Variants in OR1J2 observed in about 807,000 individuals in gnomAD.
OR1J2 encodes the protein olfactory receptor family 1 subfamily J member 2, also known as olfactory receptor 1J2.
For missense variants in OR1J2, 304 were observed against 246.1 expected, an observed-to-expected ratio of 1.24 and a Z score of -1.57; for synonymous variants, 142 against 99.7, an observed-to-expected ratio of 1.42 and a Z score of -2.52.
chr9:122,496,992 C>T, the OR1J2 span, among the ~76,000 whole-genome samples: 2 of 152,078 alleles, frequency 1.3e-5, no homozygotes, highest in African/African-American at 2.4e-5. Flanking sequence ...TCACCCTGCT[C>T]CCACGCAGCA....
the OR1J2 span, among the ~76,000 whole-genome samples, chr9:122,471,198 C>T: frequency 6.6e-6 from 1 of 152,170 alleles, no homozygotes; most frequent in African/African-American, 2.4e-5. Context: ...CAATAATTCC[C>T]ATGTGTTGTG....
chr9:122,456,374 A>C, the OR1J2 span, among the ~76,000 whole-genome samples: 6 of 152,220 alleles, frequency 3.9e-5, no homozygotes, highest in Non-Finnish European at 5.9e-5. Context: ...CAGAGCTGTA[A>C]ATTACCTAGC....
At chr9:122,518,488 T>C in the OR1J2 span, among the ~76,000 whole-genome samples, 1 of 152,242 alleles carries the variant, frequency 6.6e-6, no homozygotes, top group African/African-American at 2.4e-5. Flanking sequence ...GACACTCTTG[T>C]GTTTCTTCTT....
chr9:122,565,255 A>G, the OR1J2 span, among the ~76,000 whole-genome samples: 8 of 152,208 alleles, frequency 5.3e-5, no homozygotes, highest in African/African-American at 1.9e-4. Context: ...GGGAAGAGCA[A>G]TGTGAATAGA....
chr9:122,551,362 TG>T, the OR1J2 span, among the ~76,000 whole-genome samples: 1 of 152,224 alleles, frequency 6.6e-6, no homozygotes, highest in Non-Finnish European at 1.5e-5. Flanking sequence ...CTGCTTTGTA[TG>T]AGGCACTATG....
chr9:122,470,297 C>T, the OR1J2 span, among the ~76,000 whole-genome samples: 1 of 152,170 alleles, frequency 6.6e-6, no homozygotes, highest in African/African-American at 2.4e-5. Context: ...CTGAAAGGGG[C>T]CAACATAGAG....
At chr9:122,560,020 G>C in the OR1J2 span, among the ~76,000 whole-genome samples, 1 of 152,058 alleles carries the variant, frequency 6.6e-6, no homozygotes, top group Non-Finnish European at 1.5e-5. Flanking sequence ...TCCTGTATTG[G>C]GTGCAAATAT....
rs755875772 is a variant in OR1J2, at chr9:122,511,587, G to T, written c.786G>T (p.Pro262=). The change falls in exon 1 of 1, where the codon CCG becomes CCT. Residue 262 remains proline (P), a synonymous_variant. Coordinates refer to ENST00000335302, the MANE Select transcript of OR1J2 (RefSeq NM_054107.1). ...YGSIFGQYLF[P]TVSSSIDKDV... ...CAATATTTGGCCAGTACCTTTTCCCGACTGTAAGCAGTTCTATTGACAAGG... is the reference window on the plus strand; with the variant it reads ...CAATATTTGGCCAGTACCTTTTCCCTACTGTAAGCAGTTCTATTGACAAGG... 2 of 780,854 alleles carry T rather than the reference G, an allele frequency of 2.6e-6. No homozygotes were observed. Among genetic ancestry groups the T allele is most frequent in the Non-Finnish European group, 4.8e-6 (2 of 418,124 alleles). 48.4% of individuals were successfully genotyped at this position (780,854 alleles called of 1,614,324 possible).
At chr9:122,472,129 G>A in the OR1J2 span, among the ~76,000 whole-genome samples, 429 of 152,212 alleles carry the variant, frequency 2.8e-3, no homozygotes, top group African/African-American at 9.9e-3. Context: ...TTTCAAAGTT[G>A]GATTTTATCG....
At chr9:122,540,509 G>C in the OR1J2 span, among the ~76,000 whole-genome samples, 3 of 151,980 alleles carry the variant, frequency 2.0e-5, no homozygotes, top group African/African-American at 7.3e-5. Context: ...TGCTGTTTTG[G>C]TTACTGTAGC....
chr9:122,534,201 T>C, the OR1J2 span, among the ~76,000 whole-genome samples: 4 of 152,144 alleles, frequency 2.6e-5, no homozygotes, highest in East Asian at 7.8e-4. Context: ...TGTCTCACAG[T>C]GGAGGCAAGG....
the OR1J2 span, chr9:122,519,932 C>T: frequency 6.2e-7 from 1 of 1,614,048 alleles, no homozygotes; most frequent in Non-Finnish European, 8.5e-7. Flanking sequence ...TCCCCTCATC[C>T]AGTGCCTCCA....
chr9:122,477,262 C>A, the OR1J2 span: 1 of 1,613,950 alleles, frequency 6.2e-7, no homozygotes. Flanking sequence ...GATGGTGACC[C>A]CAATGTGACC....
chr9:122,519,543 A>G, the OR1J2 span: 14 of 1,613,948 alleles, frequency 8.7e-6, no homozygotes, highest in African/African-American at 4.0e-5. Context: ...CTACACCACT[A>G]TCATGAAAGA....
At chr9:122,484,756 G>A in the OR1J2 span, among the ~76,000 whole-genome samples, 4 of 152,176 alleles carry the variant, frequency 2.6e-5, no homozygotes. Flanking sequence ...TGTAGGACTA[G>A]GTGCGTTGGC....
At chr9:122,550,754 A>G in the OR1J2 span, among the ~76,000 whole-genome samples, 1 of 152,136 alleles carries the variant, frequency 6.6e-6, no homozygotes, top group African/African-American at 2.4e-5. Context: ...ATACCTAAAT[A>G]TAATAAAAGC....
upstream of OR1J2, among the ~76,000 whole-genome samples, chr9:122,508,809 C>A (rs1828577256): frequency 6.6e-6 from 1 of 152,176 alleles, no homozygotes; most frequent in Admixed American, 6.5e-5. Flanking sequence ...TTTAGAAAAA[C>A]CTCACAAATG....
At chr9:122,453,497 T>C in the OR1J2 span, among the ~76,000 whole-genome samples, 1 of 152,204 alleles carries the variant, frequency 6.6e-6, no homozygotes, top group Non-Finnish European at 1.5e-5. Flanking sequence ...CCATGAGTAC[T>C]TGTGATACAA....
At chr9:122,556,282 C>CTTTT in the OR1J2 span, among the ~76,000 whole-genome samples, 2 of 144,384 alleles carry the variant, frequency 1.4e-5, no homozygotes, top group Non-Finnish European at 3.0e-5. Context: ...TGTCTAGATT[C>CTTTT]TTTTTTTTTT....
Sources: gnomAD v4.1 joint callset for allele counts (sites outside exome capture counted in the v4.1 genomes callset) on GRCh38, gnomAD v4.1.1 for gene constraint, MANE v1.5 for transcripts, NCBI Gene and HGNC (gene_info 2026-07-23, HGNC 2026-07-21) for gene names.